UVSSA: variants seen among roughly 807,000 people sequenced by gnomAD.
UVSSA encodes UV-stimulated scaffold protein A.
Under a neutral mutation model 73.9 loss-of-function variants are expected in UVSSA, and 72 were observed. That is an observed-to-expected ratio of 0.97 (90% CI 0.81 to 1.19). The LOEUF is 1.19. Among genes scored for constraint, UVSSA ranks in the 50% most tolerant of loss-of-function variants. The pLI is 0.00. For synonymous variants in UVSSA, 454 were observed against 391.3 expected (o/e 1.16, Z -1.89); for missense variants, 1,150 against 965.0 (o/e 1.19, Z -2.54).
chr4:1,375,453 G>A lies in UVSSA; in HGVS notation c.1378G>A (p.Ala460Thr). The stretch of plus-strand genomic sequence containing the variant: ...CGAGGAGGTGTCGGACCCCACCTCT[G>A]CGGCTGCTCAGCTGCGGCAGCTCCG... ...MDEEVSDPTS[A>T]AAQLRQLRDH... The change falls in exon 9 of 14, where the codon GCG (alanine) becomes ACG (threonine). Residue 460 changes from alanine (A) to threonine (T), a missense_variant. By Grantham distance (58) the Ala-to-Thr change is moderately conservative. Coordinates refer to ENST00000389851, the MANE Select transcript of UVSSA (RefSeq NM_020894.4). The A allele has an allele frequency of 1.2e-6, 2 of 1,613,162 alleles. No homozygotes were observed. Among genetic ancestry groups the A allele is most frequent in the Middle Eastern group, 1.6e-4 (1 of 6,062 alleles).
upstream of UVSSA, among the ~76,000 whole-genome samples, chr4:1,342,974 G>A (rs897816353): frequency 1.3e-5 from 2 of 151,940 alleles, no homozygotes; most frequent in Admixed American, 6.6e-5. Context: ...TAGGTCTGTT[G>A]CATTTCCACG....
exon 14 of UVSSA, chr4:1,393,962 C>CT: frequency 5.0e-6 from 1 of 198,660 alleles, no homozygotes; most frequent in Non-Finnish European, 1.0e-5. Flanking sequence ...ACCAGTAACT[C>CT]TCACGGTTCT....
In UVSSA at chr4:1,355,226, A is replaced by G; in HGVS notation, c.1157A>G (p.Glu386Gly). The G allele has an allele frequency of 6.2e-7, 1 of 1,610,966 alleles. No homozygotes were observed. The highest frequency in any genetic ancestry group is 8.5e-7 in the Non-Finnish European group (1 of 1,178,682). The part of the protein sequence containing the change: ...RKYKELDIEP[E>G]GGERRRTEAL... ...TACAAGGAGCTGGACATCGAGCCTG[A>G]GGGAGGGGAAAGGCGCAGGGTGAGT... Residue 386 changes from glutamate to glycine, a missense_variant, in exon 7 of 14, where the codon GAG becomes GGG. Physicochemically the swap from Glu to Gly is moderately conservative, Grantham distance 98. Coordinates refer to ENST00000389851, the MANE Select transcript of UVSSA (RefSeq NM_020894.4).
Position 1,351,832 on chromosome 4 carries a change from C to G in UVSSA, c.547C>G (p.Gln183Glu), listed in dbSNP as rs775656470. 2 of 1,613,048 alleles carry G rather than the reference C, an allele frequency of 1.2e-6. No homozygotes were observed. Among genetic ancestry groups the G allele is most frequent in the Non-Finnish European group, 8.5e-7 (1 of 1,179,452 alleles). Residue 183 changes from glutamine to glutamate, a missense_variant, in exon 4 of 14, where the codon CAA (glutamine) becomes GAA (glutamate). By Grantham distance (29) the Gln-to-Glu change is conservative. Coordinates refer to ENST00000389851, the MANE Select transcript of UVSSA (RefSeq NM_020894.4). ...ERASQAEREM[Q>E]EMSGEIESCL... is the part of the protein sequence containing the mutation. ...AGCCAGCCAGGCGGAGAGGGAGATGCAAGGCAAGTGTCCAGGACGGAGGGA... is the reference window on the plus strand; with the variant it reads ...AGCCAGCCAGGCGGAGAGGGAGATGGAAGGCAAGTGTCCAGGACGGAGGGA...
intron 8 of UVSSA, among the ~76,000 whole-genome samples, chr4:1,373,493 C>T (rs1394181602): frequency 6.6e-6 from 1 of 152,188 alleles, no homozygotes; most frequent in Admixed American, 6.5e-5. Context: ...CAGACACACC[C>T]AAGATCAATA....
At chr4:1,377,257 C>A (rs969877964) in intron 10 of UVSSA, among the ~76,000 whole-genome samples, 1 of 152,316 alleles carries the variant, frequency 6.6e-6, no homozygotes, top group East Asian at 1.9e-4. Flanking sequence ...AGTGCCGGGA[C>A]GTCCTGGCAC....
At chr4:1,343,657 C>A (rs569292250), upstream of UVSSA, among the ~76,000 whole-genome samples, 1 of 152,190 alleles carries the variant, frequency 6.6e-6, no homozygotes, top group East Asian at 1.9e-4. Context: ...CGTGGTGGCA[C>A]GTGCCTGTAA....
At chr4:1,348,882 G>A (rs1475704363) in intron 2 of UVSSA, among the ~76,000 whole-genome samples, 1 of 152,218 alleles carries the variant, frequency 6.6e-6, no homozygotes, top group African/African-American at 2.4e-5. Flanking sequence ...GGGGCTGGGA[G>A]ATGTCCCGAG....
intron 8 of UVSSA, among the ~76,000 whole-genome samples, chr4:1,370,740 C>G (rs1022136994): frequency 6.6e-6 from 1 of 152,258 alleles, no homozygotes; most frequent in Non-Finnish European, 1.5e-5. Flanking sequence ...CCTGCAGCTA[C>G]TGAGCACAGG....
In UVSSA at chr4:1,387,958, AAGC is replaced by A. The variant is rs1239763637; in HGVS notation, c.*2001_*2003del. On this transcript the variant is annotated 3_prime_UTR_variant, in exon 14 of 14. Coordinates refer to ENST00000389851, the MANE Select transcript of UVSSA (RefSeq NM_020894.4). The stretch of plus-strand genomic sequence containing the variant: ...ATCAGTTTCTTCAAAAAAAAAAAAA[AAGC>A]AGCTGAGATTTTTGATAGGAATTAC... 6.6e-6 allele frequency: 1 copy of A among 152,084 alleles called. No individual in the cohort carries two copies. Among genetic ancestry groups the A allele is most frequent in the Non-Finnish European group, 1.5e-5 (1 of 68,012 alleles). 9.4% of individuals were successfully genotyped at this position (152,084 alleles called of 1,614,324 possible). A position where few individuals can be genotyped will look rare whatever the true frequency, so the allele number is the denominator to read the frequency against.
At chr4:1,361,669 C>G (rs1716654498) in intron 7 of UVSSA, among the ~76,000 whole-genome samples, 1 of 152,230 alleles carries the variant, frequency 6.6e-6, no homozygotes, top group Non-Finnish European at 1.5e-5. Flanking sequence ...CCTGGCCGGG[C>G]AATTTGCACG....
chr4:1,368,502 C>T (rs535856031), intron 8 of UVSSA, among the ~76,000 whole-genome samples: 16 of 152,360 alleles, frequency 1.1e-4, no homozygotes, highest in Admixed American at 5.9e-4. Flanking sequence ...AGCGCTCACT[C>T]GTCACCAGGC....
chr4:1,385,530 C>A, intron 13 of UVSSA: 1 of 327,622 alleles, frequency 3.1e-6, no homozygotes, highest in Non-Finnish European at 5.8e-6. Context: ...GGCCGCTCCC[C>A]GGGAGGCCAA....
chr4:1,360,012 C>T (rs996780890), intron 7 of UVSSA, among the ~76,000 whole-genome samples: 8 of 152,224 alleles, frequency 5.3e-5, no homozygotes, highest in South Asian at 2.1e-4. Flanking sequence ...AGGAATGAAA[C>T]GTGGACCCAC....
intron 12 of UVSSA, 126 bp from the exon 13 acceptor site, chr4:1,383,640 A>G: frequency 9.6e-7 from 1 of 1,040,096 alleles, no homozygotes; most frequent in Non-Finnish European, 1.4e-6. Flanking sequence ...CTGCCAGGGT[A>G]CGGCCGTGGG....
intron 11 of UVSSA, 51 bp from the exon 12 acceptor site, chr4:1,380,829 A>G (rs1453758012): frequency 6.3e-7 from 1 of 1,595,878 alleles, no homozygotes; most frequent in Non-Finnish European, 8.6e-7. Flanking sequence ...GGAGGTGGTC[A>G]AGGCAAGCGG....
intron 7 of UVSSA, among the ~76,000 whole-genome samples, chr4:1,357,168 T>C (rs13105645): frequency 3.6e-5 from 5 of 137,520 alleles, no homozygotes; most frequent in Admixed American, 2.1e-4. Context: ...TGAGGGTCCA[T>C]AGAGCAGAGC....
intron 7 of UVSSA, among the ~76,000 whole-genome samples, chr4:1,357,379 A>G (rs1715936168): frequency 6.6e-6 from 1 of 152,234 alleles, no homozygotes; most frequent in Non-Finnish European, 1.5e-5. Context: ...TCTTGGCCTG[A>G]GATTCTGGCA....
intron 2 of UVSSA, 116 bp downstream of exon 2, chr4:1,348,305 A>G (rs1471284785): frequency 2.5e-6 from 2 of 793,944 alleles, no homozygotes; most frequent in Non-Finnish European, 4.2e-6. Flanking sequence ...CACACCCAGG[A>G]CATTTTCTCG....
Sources: allele counts gnomAD v4.1 joint callset (sites outside exome capture counted in the v4.1 genomes callset), GRCh38; gene constraint gnomAD v4.1.1; transcripts MANE v1.5; gene names NCBI Gene and HGNC (gene_info 2026-07-23, HGNC 2026-07-21).